RCOR3: variants seen among roughly 807,000 people sequenced by gnomAD.
RCOR3 encodes the protein REST corepressor 3.
In RCOR3, 13 loss-of-function variants were observed where a neutral mutation model predicts 64.1. The ratio of observed to expected loss-of-function variants is 0.20; its 90% confidence interval spans 0.13 to 0.32. The LOEUF is 0.32. RCOR3 is among the 10% of genes least tolerant of loss of function. The pLI is 1.00. For missense variants in RCOR3, 489 were observed against 701.2 expected, an observed-to-expected ratio of 0.70 and a Z score of 3.42; for synonymous variants, 215 against 239.0, an observed-to-expected ratio of 0.90 and a Z score of 0.93.
Position 211,274,275 on chromosome 1 carries a change from A to G in RCOR3, c.354+13A>G. ...CAATGTGGAACAGGTATGTAGAGAA[A>G]CACTTCAGTAGTAAGGCTTGTCCCA... is the stretch of plus-strand genomic sequence containing the variant. On this transcript the variant is annotated intron_variant, in intron 4 of 11. Transcript: ENST00000419091. The G allele has an allele frequency of 6.4e-7, 1 of 1,564,014 alleles. No individual in the cohort carries two copies. The highest frequency in any genetic ancestry group is 8.8e-7 in the Non-Finnish European group (1 of 1,135,888).
intron 2 of RCOR3, among the ~76,000 whole-genome samples, chr1:211,270,769 G>A (rs1696047724): frequency 6.6e-6 from 1 of 151,916 alleles, no homozygotes; most frequent in Admixed American, 6.6e-5. Context: ...TATATGTAAT[G>A]TAAATCTGTT....
At chr1:211,297,457 A>G (rs143833716) in intron 9 of RCOR3, among the ~76,000 whole-genome samples, 48 of 152,290 alleles carry the variant, frequency 3.2e-4, no homozygotes, top group African/African-American at 1.1e-3. Flanking sequence ...TTGGACTTCT[A>G]TATTAGTATA....
chr1:211,271,641 C>T (rs553355756), intron 3 of RCOR3: 9 of 439,522 alleles, frequency 2.0e-5, no homozygotes, highest in Non-Finnish European at 3.1e-5. Flanking sequence ...GTATATGGAG[C>T]GGTAAAGACA....
At chr1:211,291,996 C>CTGTA (rs1699296763) in intron 8 of RCOR3, among the ~76,000 whole-genome samples, 1 of 152,060 alleles carries the variant, frequency 6.6e-6, no homozygotes, top group South Asian at 2.1e-4. Context: ...TTGTGTGTAT[C>CTGTA]TGTAGTGTAG....
At position 211,277,108 on chromosome 1, in the gene RCOR3, A is replaced by G. The variant is rs370359726; in HGVS notation, c.516+690A>G. Among the ~76,000 whole-genome samples the G allele has an allele frequency of 6.7e-4, 102 of 151,534 alleles. 1 individual carries two copies. The East Asian group carries it at 7.1e-3, about 11-fold the overall frequency. On this transcript the variant is annotated intron_variant, in intron 5 of 11. Coordinates refer to ENST00000419091, the MANE Select transcript of RCOR3 (RefSeq NM_001136223.3). Reference sequence around the variant, plus strand: ...CTCAAAAAAAAAAACAAAAAAAACAAAAAAACAAAAAAAATATTATTTCAA... The same window carrying G: ...CTCAAAAAAAAAAACAAAAAAAACAGAAAAACAAAAAAAATATTATTTCAA...
At chr1:211,309,477 A>G (rs1701274493) in intron 10 of RCOR3, among the ~76,000 whole-genome samples, 1 of 151,962 alleles carries the variant, frequency 6.6e-6, no homozygotes, top group African/African-American at 2.4e-5. Flanking sequence ...ATCTGCCAGC[A>G]TAGAAAGCCA....
intron 10 of RCOR3, among the ~76,000 whole-genome samples, chr1:211,308,025 G>C (rs751012277): frequency 5.3e-5 from 8 of 151,734 alleles, no homozygotes; most frequent in Admixed American, 2.0e-4. Flanking sequence ...AAGATAGAAG[G>C]GTTTGTAAAG....
At chr1:211,295,575 A>G (rs1699778433) in intron 8 of RCOR3, 101 bp from the exon 9 acceptor site, 2 of 958,026 alleles carry the variant, frequency 2.1e-6, no homozygotes, top group Non-Finnish European at 3.3e-6. Flanking sequence ...CTAAAATAAA[A>G]TTTAAGAGGG....
Position 211,312,508 on chromosome 1 carries a change from T to A in RCOR3, c.1076-212T>A, listed in dbSNP as rs565537917. ...AAATGGTAAGTTTCTGATTGTTCAG[T>A]TGAAGGCAAGTGGCTGGCTCGATGA... On this transcript the variant is annotated intron_variant, in intron 10 of 11. Transcript: ENST00000419091. This position sits in a 1 kb window ranked among gnomAD's most constrained non-coding sequence, Gnocchi z 5.0. 30 of 646,366 alleles carry A rather than the reference T, an allele frequency of 4.6e-5. No individual in the cohort carries two copies. Among genetic ancestry groups the A allele is most frequent in the African/African-American group, 3.9e-4 (22 of 55,970 alleles). The allele number at this position is 646,366 out of a possible 1,614,324, so 40.0% of individuals were successfully genotyped here.
chr1:211,293,458 TG>T (rs1699487215), intron 8 of RCOR3, among the ~76,000 whole-genome samples: 1 of 152,238 alleles, frequency 6.6e-6, no homozygotes, highest in South Asian at 2.1e-4. Context: ...TTATTCTGCC[TG>T]GAATGCAGTC....
chr1:211,274,252 A>G lies in RCOR3; in HGVS notation c.344A>G (p.Asn115Ser). 1 of 1,602,044 alleles carries G rather than the reference A, an allele frequency of 6.2e-7. No individual in the cohort carries two copies. The change falls in exon 4 of 12, where the codon AAT (asparagine) becomes AGT (serine). Residue 115 changes from asparagine to serine, a missense_variant. By Grantham distance (46) the Asn-to-Ser change is conservative. Transcript: ENST00000419091. ...ATTGCAAAGGAAAAGCATGGCTACA[A>G]TGTGGAACAGGTATGTAGAGAAACA... ...IAIAKEKHGY[N>S]VEQALGMLFW...
chr1:211,272,638 T>C (rs865815125), intron 3 of RCOR3, among the ~76,000 whole-genome samples: 71 of 134,142 alleles, frequency 5.3e-4, no homozygotes, highest in African/African-American at 1.9e-3. Context: ...TTTTTTTTTT[T>C]TGAGACGGAG....
intron 8 of RCOR3, chr1:211,291,705 G>C (rs1699261151): frequency 2.6e-6 from 1 of 383,530 alleles, no homozygotes; most frequent in Non-Finnish European, 5.1e-6. Context: ...CTGCTTTTCT[G>C]GTTCTCTAAC....
In RCOR3 at chr1:211,259,504, C is replaced by G; in HGVS notation, c.-57C>G. 1 of 1,518,172 alleles carries G rather than the reference C, an allele frequency of 6.6e-7. No individual in the cohort carries two copies. The highest frequency in any genetic ancestry group is 1.2e-5 in the South Asian group (1 of 82,046). 94.0% of individuals were successfully genotyped at this position (1,518,172 alleles called of 1,614,324 possible). On this transcript the variant is annotated 5_prime_UTR_variant, in exon 1 of 12. Transcript: ENST00000419091. Reference sequence around the variant, plus strand: ...TCCCGCCCGCGCTCTAAGCCATCTCCGCCTTCACCCTGACGCCTGCCTCTT... The same window carrying G: ...TCCCGCCCGCGCTCTAAGCCATCTCGGCCTTCACCCTGACGCCTGCCTCTT...
Position 211,276,372 on chromosome 1 carries a change from A to G in RCOR3, c.470A>G (p.Gln157Arg). Residue 157 changes from glutamine (Q) to arginine (R), a missense_variant, in exon 5 of 12, where the codon CAA becomes CGA. Around this residue, in one of 2 missense-constraint regions of RCOR3, gnomAD observed 402 missense variants for 617.0 expected, o/e 0.65. Coordinates refer to ENST00000419091, the MANE Select transcript of RCOR3 (RefSeq NM_001136223.3). The stretch of plus-strand genomic sequence containing the variant: ...GTGGAAGATAAAGTCCTATTTGAAC[A>G]AGCCTTTAGTTTTCATGGAAAGAGC... ...WTVEDKVLFEQAFSFHGKSFH... is the reference protein window; with the variant it reads ...WTVEDKVLFERAFSFHGKSFH... 6.2e-7 allele frequency: 1 copy of G among 1,613,746 alleles called. No individual in the cohort carries two copies. The highest frequency in any genetic ancestry group is 8.5e-7 in the Non-Finnish European group (1 of 1,179,754).
At chr1:211,260,923 A>C (rs1694148579) in intron 2 of RCOR3, 1 of 152,174 alleles carries the variant, frequency 6.6e-6, no homozygotes, top group African/African-American at 2.4e-5. Flanking sequence ...ACTTTTCTCC[A>C]AACAGGCTCC....
At chr1:211,262,680 C>A (rs1466272886) in intron 2 of RCOR3, among the ~76,000 whole-genome samples, 1 of 152,038 alleles carries the variant, frequency 6.6e-6, no homozygotes, top group Non-Finnish European at 1.5e-5. Flanking sequence ...CTTGTACATG[C>A]CATAGCATTA....
rs192259635 is a variant in RCOR3 at position 211,289,940 on chromosome 1, T to A, written c.939+544T>A. On this transcript the variant is annotated intron_variant, in intron 8 of 11. Transcript: ENST00000419091. Reference sequence around the variant, plus strand: ...CCTGTGTAACCTTAGAGGAGCTCTTTAACTTCTTTCAGCCTCAGTTTTCTC... The same window carrying A: ...CCTGTGTAACCTTAGAGGAGCTCTTAAACTTCTTTCAGCCTCAGTTTTCTC... 2.0e-5 allele frequency among the ~76,000 whole-genome samples: 3 copies of A among 152,336 alleles called. No individual in the cohort carries two copies. The East Asian group carries it at 5.8e-4, about 29-fold the overall frequency.
chr1:211,310,283 T>TC (rs1368374337), intron 10 of RCOR3, among the ~76,000 whole-genome samples: 1 of 152,182 alleles, frequency 6.6e-6, no homozygotes. Context: ...CTCTAGCTAT[T>TC]CCAGACCCTG....
Sources: gnomAD v4.1 joint callset for allele counts (sites outside exome capture counted in the v4.1 genomes callset) on GRCh38, gnomAD v4.1.1 for gene constraint, gnomAD v4.1.1 regional missense constraint, Gnocchi (gnomAD v3.1) non-coding constraint, MANE v1.5 for transcripts, NCBI Gene and HGNC (gene_info 2026-07-23, HGNC 2026-07-21) for gene names.